SOX5: variants seen among roughly 807,000 people sequenced by gnomAD.
SOX5 encodes SRY-box transcription factor 5.
Under a neutral mutation model 92.0 loss-of-function variants are expected in SOX5, and 9 were observed. That is an observed-to-expected ratio of 0.10 (90% CI 0.06 to 0.17). SOX5 has a LOEUF of 0.17. Ranked by LOEUF, SOX5 falls within the 10% of genes least tolerant of loss-of-function variation. The probability of loss-of-function intolerance (pLI) is 1.00; values close to 1 mark genes in which losing one functional copy is unlikely to be tolerated. For synonymous variants in SOX5, 344 were observed against 336.3 expected (o/e 1.02, Z -0.25); for missense variants, 642 against 944.5 (o/e 0.68, Z 4.20).
chr12:24,232,976 C>T (rs1470499080), intron 3 of SOX5, among the ~76,000 whole-genome samples: 3 of 152,256 alleles, frequency 2.0e-5, no homozygotes, highest in Non-Finnish European at 4.4e-5. Context: ...GGGTTCATCC[C>T]AGTCCTCACC....
intron 4 of SOX5, among the ~76,000 whole-genome samples, chr12:24,142,827 G>A (rs1950714342): frequency 6.6e-6 from 1 of 150,518 alleles, no homozygotes; most frequent in African/African-American, 2.5e-5. Context: ...GAAGACAGAG[G>A]CAGCTAGAGT....
At chr12:24,382,790 A>G (rs1398296032) in intron 1 of SOX5, among the ~76,000 whole-genome samples, 2 of 138,198 alleles carry the variant, frequency 1.4e-5, no homozygotes, top group East Asian at 2.5e-4. Flanking sequence ...ATGTACAGTA[A>G]AAGCAAAAGA....
chr12:24,314,358 C>A (rs77709476), intron 2 of SOX5, among the ~76,000 whole-genome samples: 3 of 124,936 alleles, frequency 2.4e-5, no homozygotes, highest in African/African-American at 9.3e-5. Flanking sequence ...CACATCAGAG[C>A]CTGTTGTGGA....
chr12:24,117,782 G>C (rs573122591), intron 4 of SOX5, among the ~76,000 whole-genome samples: 1 of 152,166 alleles, frequency 6.6e-6, no homozygotes, highest in Admixed American at 6.5e-5. Flanking sequence ...TCCTTTGGGA[G>C]GCCGAGGTGG....
upstream of SOX5, among the ~76,000 whole-genome samples, chr12:23,950,182 G>A (rs1945371847): frequency 6.6e-6 from 1 of 151,844 alleles, no homozygotes; most frequent in South Asian, 2.1e-4. Flanking sequence ...TTTAATGTTA[G>A]TAATAGCATT....
chr12:23,804,216 C>T (rs1323031121), intron 3 of SOX5, among the ~76,000 whole-genome samples: 2 of 151,954 alleles, frequency 1.3e-5, no homozygotes, highest in African/African-American at 2.4e-5. Context: ...AATACAAATT[C>T]TATAAAGTAA....
At chr12:23,966,203 C>CAAAAA (rs869143890) in intron 4 of SOX5, among the ~76,000 whole-genome samples, 4 of 57,308 alleles carry the variant, frequency 7.0e-5, no homozygotes, top group African/African-American at 1.9e-4. Context: ...ACTCAATATC[C>CAAAAA]AAAAAAAAAA....
At chr12:24,220,741 A>C (rs1960207852) in intron 3 of SOX5, among the ~76,000 whole-genome samples, 1 of 152,066 alleles carries the variant, frequency 6.6e-6, no homozygotes, top group Non-Finnish European at 1.5e-5. Flanking sequence ...GCCTGCTCTT[A>C]AGAATAGAAA....
At chr12:23,682,422 T>C (rs919322034) in intron 6 of SOX5, among the ~76,000 whole-genome samples, 3 of 151,842 alleles carry the variant, frequency 2.0e-5, no homozygotes, top group Non-Finnish European at 4.4e-5. Flanking sequence ...AATTTGATTA[T>C]TGAAATATGA....
intron 4 of SOX5, among the ~76,000 whole-genome samples, chr12:24,004,848 A>T: frequency 6.6e-6 from 1 of 152,180 alleles, no homozygotes; most frequent in South Asian, 2.1e-4. Flanking sequence ...AGACCAAAAA[A>T]AATTGAAAAA....
At chr12:24,100,146 G>C (rs932032175) in intron 4 of SOX5, among the ~76,000 whole-genome samples, 4 of 151,990 alleles carry the variant, frequency 2.6e-5, no homozygotes, top group Admixed American at 6.6e-5. Flanking sequence ...CTGGATCATG[G>C]AAAATAGAAT....
intron 2 of SOX5, among the ~76,000 whole-genome samples, chr12:24,313,712 G>A (rs1430436502): frequency 1.3e-5 from 2 of 152,070 alleles, no homozygotes; most frequent in Non-Finnish European, 2.9e-5. Context: ...TTTAGCCCTC[G>A]TATTCATATT....
intron 6 of SOX5, among the ~76,000 whole-genome samples, chr12:23,712,624 A>C (rs2092157604): frequency 2.0e-5 from 3 of 152,228 alleles, no homozygotes. Context: ...AAGTGTATGC[A>C]ACTAAGTGTG....
At chr12:24,258,357 T>G (rs540309849) in intron 3 of SOX5, among the ~76,000 whole-genome samples, 1 of 152,328 alleles carries the variant, frequency 6.6e-6, no homozygotes, top group African/African-American at 2.4e-5. Flanking sequence ...ATGGGAATTA[T>G]TGTTATCATT....
At chr12:23,909,226 A>T (rs930661414) in intron 1 of SOX5, among the ~76,000 whole-genome samples, 1 of 152,194 alleles carries the variant, frequency 6.6e-6, no homozygotes, top group Non-Finnish European at 1.5e-5. Flanking sequence ...TACGTCATAG[A>T]GATAAGCCTT....
At position 24,387,443 on chromosome 12, in the gene SOX5, C is replaced by T. The variant is rs78613494; in HGVS notation, c.-250-18804G>A. 1.4e-3 allele frequency among the ~76,000 whole-genome samples: 217 copies of T among 152,198 alleles called. 3 individuals are homozygous for T. In the South Asian group the frequency reaches 0.03, roughly 21 times the overall value. On this transcript the variant is annotated intron_variant, in intron 1 of 4. Coordinates refer to the SOX5 transcript ENST00000446891. ...GACAATTCTTCGTTTTCCAGTATGA[C>T]CCAGGGAAGCCAAAAGATTGGATAC...
At chr12:24,390,434 A>T (rs1029836695) in intron 1 of SOX5, among the ~76,000 whole-genome samples, 1 of 152,180 alleles carries the variant, frequency 6.6e-6, no homozygotes. Flanking sequence ...GATTACATGT[A>T]TAATGTTTTT....
chr12:23,874,033 T>C (rs941760234), intron 2 of SOX5, among the ~76,000 whole-genome samples: 1 of 152,146 alleles, frequency 6.6e-6, no homozygotes, highest in Non-Finnish European at 1.5e-5. Flanking sequence ...GAACATTAGG[T>C]GCTTCAAAGA....
At chr12:23,705,997 TG>T (rs373175177) in intron 6 of SOX5, among the ~76,000 whole-genome samples, 9 of 151,912 alleles carry the variant, frequency 5.9e-5, no homozygotes, top group African/African-American at 1.9e-4. Context: ...TTTAAAGTAA[TG>T]CTTTATGCAT....
Sources: allele counts gnomAD v4.1 joint callset (sites outside exome capture counted in the v4.1 genomes callset), GRCh38; gene constraint gnomAD v4.1.1; transcripts MANE v1.5; gene names NCBI Gene and HGNC (gene_info 2026-07-23, HGNC 2026-07-21).